Variants in COMMD6 observed in about 807,000 individuals in gnomAD.
COMMD6 encodes the protein COMM domain-containing protein 6.
Under a neutral mutation model 13.4 loss-of-function variants are expected in COMMD6, and 11 were observed. That is an observed-to-expected ratio of 0.82 (90% CI 0.52 to 1.36). The LOEUF (loss-of-function observed/expected upper bound fraction) is 1.36, where lower values mean the gene tolerates loss of function less well. Among genes scored for constraint, COMMD6 ranks in the 40% most tolerant of loss-of-function variants. The pLI is 0.00. For synonymous variants in COMMD6, 43 were observed against 36.5 expected, an observed-to-expected ratio of 1.18 and a Z score of -0.64; for missense variants, 124 against 102.4, an observed-to-expected ratio of 1.21 and a Z score of -0.91.
chr13:75,531,193 C>T (rs147892822), intron 2 of COMMD6, among the ~76,000 whole-genome samples: 2 of 152,274 alleles, frequency 1.3e-5, no homozygotes, highest in African/African-American at 4.8e-5. Flanking sequence ...AATCCCACCA[C>T]GTATCCTACC....
Position 75,537,830 on chromosome 13 carries a change from C to A in COMMD6, c.-25G>T, listed in dbSNP as rs776963345. 5.7e-6 allele frequency: 9 copies of A among 1,579,712 alleles called. No individual in the cohort carries two copies. The highest frequency in any genetic ancestry group is 7.8e-6 in the Non-Finnish European group (9 of 1,160,912). On this transcript the variant is annotated 5_prime_UTR_variant, in exon 1 of 4. Coordinates refer to ENST00000682242, the MANE Select transcript of COMMD6 (RefSeq NM_203495.4). ...TGGGCAGCGTCTGGGACTTGCGGCC[C>A]GGACTCGAGAGAACGCCCCCAGACC...
intron 2 of COMMD6, chr13:75,537,274 G>C: frequency 6.7e-7 from 1 of 1,497,872 alleles, no homozygotes; most frequent in African/African-American, 1.4e-5. Flanking sequence ...ACTCTAAAAG[G>C]CTAAAATGCT....
intron 1 of COMMD6, among the ~76,000 whole-genome samples, chr13:75,548,761 A>G (rs2030962834): frequency 6.6e-6 from 1 of 152,240 alleles, no homozygotes; most frequent in Non-Finnish European, 1.5e-5. Flanking sequence ...GTGAAGAAGA[A>G]AAAAGAGACA....
upstream of COMMD6, chr13:75,537,856 A>T: frequency 6.5e-7 from 1 of 1,534,978 alleles, no homozygotes; most frequent in Non-Finnish European, 8.8e-7. Context: ...CCCCCAGACC[A>T]GCGCTTCCGC....
upstream of COMMD6, among the ~76,000 whole-genome samples, chr13:75,542,294 T>TTG (rs549271150): frequency 6.9e-4 from 95 of 138,040 alleles, no homozygotes; most frequent in Non-Finnish European, 1.3e-3. Context: ...TCTTTCCTTT[T>TTG]TTTTTTTTTT....
chr13:75,537,415 C>G, intron 2 of COMMD6: 1 of 1,551,216 alleles, frequency 6.4e-7, no homozygotes. Flanking sequence ...GTCGCCTAAT[C>G]AAAGCCCAAC....
chr13:75,540,344 C>CCCACA (rs372640334), upstream of COMMD6, among the ~76,000 whole-genome samples: 2 of 147,382 alleles, frequency 1.4e-5, no homozygotes, highest in Admixed American at 6.8e-5. Flanking sequence ...ACACACACAC[C>CCCACA]CACACACACA....
intron 2 of COMMD6, among the ~76,000 whole-genome samples, chr13:75,534,757 A>C (rs1272705928): frequency 1.3e-5 from 2 of 152,244 alleles, no homozygotes; most frequent in Admixed American, 1.3e-4. Flanking sequence ...GTAAACACAC[A>C]AATTAGCTGT....
intron 2 of COMMD6, among the ~76,000 whole-genome samples, chr13:75,530,835 G>A (rs1252213401): frequency 6.6e-6 from 1 of 152,180 alleles, no homozygotes; most frequent in East Asian, 1.9e-4. Flanking sequence ...CACATTTCTG[G>A]AATCAGAACT....
At chr13:75,545,272 C>T (rs573891839) in intron 1 of COMMD6, among the ~76,000 whole-genome samples, 7 of 152,298 alleles carry the variant, frequency 4.6e-5, no homozygotes, top group Admixed American at 2.0e-4. Context: ...AGACTGACCC[C>T]GCCCAACCCC....
At chr13:75,529,414 G>C (rs370259259) in intron 3 of COMMD6, among the ~76,000 whole-genome samples, 9 of 151,280 alleles carry the variant, frequency 5.9e-5, no homozygotes, top group Non-Finnish European at 1.3e-4. Context: ...CCAGCTACTC[G>C]GGAGGCTGAG....
intron 2 of COMMD6, among the ~76,000 whole-genome samples, chr13:75,534,731 G>A (rs1265057248): frequency 6.6e-6 from 1 of 152,114 alleles, no homozygotes; most frequent in Admixed American, 6.5e-5. Context: ...TAATCAGAAA[G>A]TAAATATATA....
chr13:75,536,040 T>TCC (rs1222704204), intron 2 of COMMD6, among the ~76,000 whole-genome samples: 1 of 152,000 alleles, frequency 6.6e-6, no homozygotes, highest in Admixed American at 6.6e-5. Context: ...GGTCTGTGCC[T>TCC]CCACACCTGA....
intron 1 of COMMD6, among the ~76,000 whole-genome samples, chr13:75,545,883 G>A (rs2030898624): frequency 6.6e-6 from 1 of 152,152 alleles, no homozygotes; most frequent in Admixed American, 6.5e-5. Context: ...ATAGAGTTAT[G>A]AATATTGTTT....
chr13:75,534,217 A>C (rs1293156785), intron 2 of COMMD6, among the ~76,000 whole-genome samples: 1 of 152,198 alleles, frequency 6.6e-6, no homozygotes, highest in East Asian at 1.9e-4. Flanking sequence ...GGCAGAGTAA[A>C]GGGTTGCCTA....
At chr13:75,530,548 AG>A (rs890526247) in intron 2 of COMMD6, 29 of 227,958 alleles carry the variant, frequency 1.3e-4, no homozygotes, top group African/African-American at 6.6e-4. Flanking sequence ...CGGAAGTGGA[AG>A]GAAGATGTGG....
chr13:75,533,145 G>A (rs112731525), intron 2 of COMMD6, among the ~76,000 whole-genome samples: 1,754 of 148,000 alleles, frequency 0.012, no homozygotes, highest in African/African-American at 0.043. Flanking sequence ...GTTAGCCAGG[G>A]TGGTCTCAAT....
chr13:75,539,150 T>G (rs1344206182), upstream of COMMD6, among the ~76,000 whole-genome samples: 1 of 152,034 alleles, frequency 6.6e-6, no homozygotes, highest in East Asian at 1.9e-4. Context: ...TTGCCACATC[T>G]CTCTGACTCT....
upstream of COMMD6, chr13:75,538,061 A>C: frequency 2.4e-6 from 1 of 420,026 alleles, no homozygotes; most frequent in Non-Finnish European, 4.2e-6. Context: ...CGCTAATTAA[A>C]TTTAGGATGC....
Sources: allele counts gnomAD v4.1 joint callset (sites outside exome capture counted in the v4.1 genomes callset), GRCh38; gene constraint gnomAD v4.1.1; transcripts MANE v1.5; gene names NCBI Gene and HGNC (gene_info 2026-07-23, HGNC 2026-07-21).